Variants in VPS13A observed in about 807,000 individuals in gnomAD.
VPS13A encodes vacuolar protein sorting 13 homolog A.
VPS13A carries 264 observed loss-of-function variants against 390.9 expected under a neutral mutation model. The ratio of observed to expected loss-of-function variants is 0.68; its 90% confidence interval spans 0.61 to 0.75. The LOEUF (loss-of-function observed/expected upper bound fraction) is 0.75, where lower values mean the gene tolerates loss of function less well. VPS13A is among the 30% of genes least tolerant of loss of function. The pLI is 0.00. For missense variants in VPS13A, 3,409 were observed against 3,733.9 expected (o/e 0.91, Z 2.27); for synonymous variants, 1,231 against 1,227.1 (o/e 1.00, Z -0.07).
chr9:77,249,151 T>G (rs983466395), intron 20 of VPS13A, among the ~76,000 whole-genome samples: 2 of 152,022 alleles, frequency 1.3e-5, no homozygotes, highest in Non-Finnish European at 2.9e-5. Context: ...CCAAGAGAGG[T>G]GGATAATATT....
In VPS13A at chr9:77,307,976, T is replaced by C. The variant is rs555570384; in HGVS notation, c.3992T>C (p.Ile1331Thr). The change falls in exon 35 of 72, where the codon ATT (isoleucine) becomes ACT (threonine). Residue 1331 changes from isoleucine to threonine, a missense_variant. Physicochemically the swap from Ile to Thr is moderately conservative, Grantham distance 89. This residue lies in a region of VPS13A where 2,717 missense variants were observed against 2,917.4 expected (regional missense o/e 0.93). Coordinates refer to ENST00000360280, the MANE Select transcript of VPS13A (RefSeq NM_033305.3). ...CTTAGTCAAGAAGATATAACAACTATTTTTAAAACATTGCATGGCAATATA... is the reference window on the plus strand; with the variant it reads ...CTTAGTCAAGAAGATATAACAACTACTTTTAAAACATTGCATGGCAATATA... ...FILSQEDITT[I>T]FKTLHGNIWY... is the part of the protein sequence containing the mutation. 3.1e-6 allele frequency: 5 copies of C among 1,600,496 alleles called. No individual in the cohort carries two copies. In the South Asian group the frequency reaches 5.5e-5, roughly 18 times the overall value.
chr9:77,264,771 A>G (rs540356254), intron 23 of VPS13A, among the ~76,000 whole-genome samples: 7 of 152,160 alleles, frequency 4.6e-5, no homozygotes, highest in Non-Finnish European at 1.0e-4. Context: ...CTTTCTTCCT[A>G]TTTGAATACC....
chr9:77,305,907 A>G (rs999046637), intron 34 of VPS13A, among the ~76,000 whole-genome samples: 5 of 152,194 alleles, frequency 3.3e-5, no homozygotes, highest in Non-Finnish European at 5.9e-5. Context: ...GGATCCTTAC[A>G]GTTCTTTGAA....
In VPS13A at chr9:77,266,337, C is replaced by G. The variant is rs1200484353; in HGVS notation, c.2427+6113C>G. ...CTTGGTCCAGAGCTGAGTTCAAGTTCTGAATATCCTTGTTAGTTTTCTGTC... is the reference window on the plus strand; with the variant it reads ...CTTGGTCCAGAGCTGAGTTCAAGTTGTGAATATCCTTGTTAGTTTTCTGTC... On this transcript the variant is annotated intron_variant, in intron 23 of 71. Coordinates refer to ENST00000360280, the MANE Select transcript of VPS13A (RefSeq NM_033305.3). Among the ~76,000 whole-genome samples the G allele has an allele frequency of 3.3e-5, 5 of 152,192 alleles. No individual in the cohort carries two copies. In the East Asian group the frequency reaches 9.6e-4, roughly 29 times the overall value.
At chr9:77,360,500 T>C (rs1371935741) in intron 58 of VPS13A, 36 bp from the exon 59 acceptor site, 1 of 1,477,026 alleles carries the variant, frequency 6.8e-7, no homozygotes, top group African/African-American at 1.4e-5. Flanking sequence ...TGTTAATTGA[T>C]GATTTTTAAA....
rs73466092 is a variant in VPS13A at position 77,276,444 on chromosome 9, A to G, written c.2824+223A>G. Among the ~76,000 whole-genome samples, 1,880 of 152,326 alleles carry G rather than the reference A, an allele frequency of 0.012. 40 individuals are homozygous for G. Among genetic ancestry groups the G allele is most frequent in the African/African-American group, 0.043 (1,769 of 41,574 alleles). On this transcript the variant is annotated intron_variant, in intron 26 of 71. Coordinates refer to ENST00000360280, the MANE Select transcript of VPS13A (RefSeq NM_033305.3). ...ATTCATTATGGAAAATCAGATGATA[A>G]TGGTTGAATTTTAAATCTACTTAAC...
intron 67 of VPS13A, among the ~76,000 whole-genome samples, chr9:77,374,540 G>A (rs1251262885): frequency 1.3e-5 from 2 of 152,086 alleles, no homozygotes; most frequent in Non-Finnish European, 1.5e-5. Flanking sequence ...ACTCAGAATG[G>A]CATGCAATTT....
intron 1 of VPS13A, 111 bp from the exon 2 acceptor site, chr9:77,199,834 T>C: frequency 2.4e-6 from 2 of 816,564 alleles, no homozygotes; most frequent in East Asian, 2.8e-5. Context: ...TTATCTGTTA[T>C]GCACATTATT....
At chr9:77,393,182 T>G (rs1445933005) in intron 68 of VPS13A, among the ~76,000 whole-genome samples, 1 of 152,228 alleles carries the variant, frequency 6.6e-6, no homozygotes, top group African/African-American at 2.4e-5. Flanking sequence ...AGAAACCATT[T>G]TCTTTGCTTA....
At chr9:77,374,520 T>C (rs1271026468) in intron 67 of VPS13A, among the ~76,000 whole-genome samples, 3 of 152,104 alleles carry the variant, frequency 2.0e-5, no homozygotes, top group African/African-American at 7.2e-5. Flanking sequence ...GCAAGAAATT[T>C]TATCATACTA....
chr9:77,183,383 C>A (rs1824141508), intron 1 of VPS13A, among the ~76,000 whole-genome samples: 1 of 152,096 alleles, frequency 6.6e-6, no homozygotes, highest in Admixed American at 6.5e-5. Flanking sequence ...CCTCCTTGTC[C>A]CTTATACCCT....
intron 1 of VPS13A, among the ~76,000 whole-genome samples, chr9:77,182,356 A>G (rs1824073949): frequency 6.6e-6 from 1 of 152,182 alleles, no homozygotes; most frequent in Admixed American, 6.5e-5. Flanking sequence ...GGCCTCCCAA[A>G]GTGCTGGGAT....
chr9:77,318,118 A>G (rs1039768376), intron 40 of VPS13A, 117 bp from the exon 41 acceptor site: 8 of 573,384 alleles, frequency 1.4e-5, no homozygotes, highest in Non-Finnish European at 2.0e-5. Flanking sequence ...TGTATCTTCT[A>G]TTTTGTGGTA....
chr9:77,178,046 A>G (rs1823753226), intron 1 of VPS13A: 4 of 456,342 alleles, frequency 8.8e-6, no homozygotes, highest in South Asian at 8.5e-5. Flanking sequence ...AAAGGTCTAT[A>G]TTTTCCGAGC....
chr9:77,399,767 G>C (rs1834290700), intron 68 of VPS13A, among the ~76,000 whole-genome samples: 1 of 152,112 alleles, frequency 6.6e-6, no homozygotes, highest in Non-Finnish European at 1.5e-5. Flanking sequence ...CAGAAGCCCA[G>C]TGATCAGTGC....
chr9:77,248,237 A>G (rs1458550725), intron 20 of VPS13A, among the ~76,000 whole-genome samples: 3 of 147,412 alleles, frequency 2.0e-5, no homozygotes, highest in Non-Finnish European at 4.5e-5. Context: ...TTTTTTTGAG[A>G]CAGAGTCTGG....
intron 23 of VPS13A, among the ~76,000 whole-genome samples, chr9:77,264,294 A>G (rs554373491): frequency 6.6e-6 from 1 of 152,272 alleles, no homozygotes; most frequent in South Asian, 2.1e-4. Context: ...TTTTGGTTCC[A>G]TATGAACTTT....
chr9:77,318,797 A>G (rs1829558389), intron 41 of VPS13A, among the ~76,000 whole-genome samples: 1 of 152,174 alleles, frequency 6.6e-6, no homozygotes, highest in South Asian at 2.1e-4. Context: ...TTTACTTTTA[A>G]AGTACATGTC....
chr9:77,310,139 C>T (rs1262183047), intron 35 of VPS13A, among the ~76,000 whole-genome samples: 2 of 151,936 alleles, frequency 1.3e-5, no homozygotes. Flanking sequence ...TTCTTCATAC[C>T]CATTCGTAAA....
Sources: allele counts gnomAD v4.1 joint callset (sites outside exome capture counted in the v4.1 genomes callset), GRCh38; gene constraint gnomAD v4.1.1; regional missense constraint gnomAD v4.1.1; transcripts MANE v1.5; gene names NCBI Gene and HGNC (gene_info 2026-07-23, HGNC 2026-07-21).